Variants in OLFM3 observed in about 807,000 individuals in gnomAD.
OLFM3 encodes olfactomedin 3.
A neutral mutation model predicts 48.6 loss-of-function variants in OLFM3; 20 were observed. That is an observed-to-expected ratio of 0.41 (90% confidence interval 0.29 to 0.60). The LOEUF (loss-of-function observed/expected upper bound fraction) is 0.60, where lower values mean the gene tolerates loss of function less well. Ranked by LOEUF, OLFM3 falls within the 20% of genes least tolerant of loss-of-function variation. The pLI, the probability that OLFM3 is intolerant of heterozygous loss-of-function variation, is 0.28. For missense variants in OLFM3, 437 were observed against 544.3 expected, an observed-to-expected ratio of 0.80 and a Z score of 1.96; for synonymous variants, 222 against 198.1, an observed-to-expected ratio of 1.12 and a Z score of -1.01.
chr1:101,838,011 T>G (rs1655517255), intron 1 of OLFM3: 1 of 150,076 alleles, frequency 6.7e-6, no homozygotes, highest in South Asian at 2.1e-4. Context: ...ATCCAGCTAT[T>G]TTTTTTTATA....
chr1:101,905,282 C>T (rs557681507), intron 1 of OLFM3, among the ~76,000 whole-genome samples: 19 of 152,220 alleles, frequency 1.2e-4, no homozygotes, highest in Admixed American at 2.6e-4. Context: ...TGTGAAGACA[C>T]GGAAACATTC....
chr1:101,981,587 T>A lies in OLFM3; in HGVS notation c.69+15161A>T, dbSNP rs1322725498. Among the ~76,000 whole-genome samples, 3 of 152,330 alleles carry A rather than the reference T, an allele frequency of 2.0e-5. No homozygotes were observed. In the East Asian group the frequency reaches 5.8e-4, roughly 29 times the overall value. ...AAATGATATATGCAGTTCAGACATC[T>A]CCCCTGAACTTCAAATAACAGCTGC... On this transcript the variant is annotated intron_variant, in intron 1 of 5. Transcript: ENST00000370103.
At chr1:101,814,975 C>T (rs1654258664) in intron 4 of OLFM3, among the ~76,000 whole-genome samples, 2 of 152,152 alleles carry the variant, frequency 1.3e-5, no homozygotes, top group South Asian at 4.2e-4. Flanking sequence ...CAGAAGAAGA[C>T]GAGATTGGAG....
At chr1:101,956,838 C>T (rs1660311738) in intron 1 of OLFM3, among the ~76,000 whole-genome samples, 1 of 151,786 alleles carries the variant, frequency 6.6e-6, no homozygotes, top group African/African-American at 2.4e-5. Flanking sequence ...GTATCTTTTG[C>T]ATCTATTTGG....
At chr1:101,867,417 C>T (rs940692418) in intron 1 of OLFM3, among the ~76,000 whole-genome samples, 24 of 152,080 alleles carry the variant, frequency 1.6e-4, no homozygotes, top group Non-Finnish European at 2.6e-4. Context: ...ATGGAGAACT[C>T]CTGAAGGATT....
At chr1:101,996,541 CCCCCGCG>C (rs1303372234) in intron 1 of OLFM3, among the ~76,000 whole-genome samples, 200 bp downstream of exon 1, 4 of 152,216 alleles carry the variant, frequency 2.6e-5, no homozygotes, top group African/African-American at 9.6e-5. Flanking sequence ...CTAGTCCCTC[CCCCCGCG>C]CAGTAGGACT....
chr1:101,946,237 T>C (rs947491529), intron 1 of OLFM3, among the ~76,000 whole-genome samples: 4 of 152,226 alleles, frequency 2.6e-5, no homozygotes, highest in Admixed American at 2.0e-4. Flanking sequence ...TGTCAAATGA[T>C]AAATAATGAA....
intron 4 of OLFM3, among the ~76,000 whole-genome samples, chr1:101,814,180 A>C (rs1473967160): frequency 6.6e-6 from 1 of 152,072 alleles, no homozygotes; most frequent in Non-Finnish European, 1.5e-5. Flanking sequence ...TTACCGTAGA[A>C]AGCAAACTTT....
At chr1:101,904,253 T>C (rs997887172) in intron 1 of OLFM3, among the ~76,000 whole-genome samples, 4 of 152,174 alleles carry the variant, frequency 2.6e-5, no homozygotes, top group Admixed American at 6.5e-5. Context: ...TCTTGAATGA[T>C]TGAAGATGGG....
chr1:101,858,225 C>G (rs543708271), intron 1 of OLFM3, among the ~76,000 whole-genome samples: 40 of 151,884 alleles, frequency 2.6e-4, no homozygotes, highest in Middle Eastern at 3.2e-3. Context: ...ATTAAAGTAT[C>G]CATATAAGTG....
intron 1 of OLFM3, among the ~76,000 whole-genome samples, chr1:101,878,822 G>A (rs535054627): frequency 5.9e-5 from 9 of 151,996 alleles, no homozygotes; most frequent in South Asian, 4.1e-4. Context: ...ACAAATTTGC[G>A]CAGTTCAGAT....
At chr1:101,982,408 T>C (rs1287176229) in intron 1 of OLFM3, among the ~76,000 whole-genome samples, 2 of 152,242 alleles carry the variant, frequency 1.3e-5, no homozygotes, top group East Asian at 3.9e-4. Context: ...CAGACAGAGA[T>C]AGGAATATAA....
Position 101,947,343 on chromosome 1 carries a change from A to T in OLFM3, c.69+49405T>A, listed in dbSNP as rs146607440. Among the ~76,000 whole-genome samples the T allele has an allele frequency of 9.5e-3, 1,450 of 152,328 alleles. 27 individuals are homozygous for T. The highest frequency in any genetic ancestry group is 0.033 in the African/African-American group (1,390 of 41,560). On this transcript the variant is annotated intron_variant, in intron 1 of 5. Transcript: ENST00000370103. ...TTGCAGTTGGTGTTAACTCTTCATT[A>T]TAAACACAGTATTCATGTAATTATA...
chr1:101,898,004 A>G (rs1658260994), intron 1 of OLFM3, among the ~76,000 whole-genome samples: 1 of 152,160 alleles, frequency 6.6e-6, no homozygotes, highest in Non-Finnish European at 1.5e-5. Flanking sequence ...ATGTGTCTGA[A>G]GGCAATTTTT....
intron 4 of OLFM3, among the ~76,000 whole-genome samples, chr1:101,809,439 A>G (rs186114607): frequency 2.4e-4 from 36 of 152,028 alleles, no homozygotes; most frequent in Admixed American, 2.2e-3. Context: ...ATATTTAGGA[A>G]GAAAATCAGA....
At chr1:101,836,002 T>A (rs912205821) in intron 2 of OLFM3, among the ~76,000 whole-genome samples, 6 of 152,194 alleles carry the variant, frequency 3.9e-5, no homozygotes, top group African/African-American at 1.4e-4. Flanking sequence ...TCATTTTTTG[T>A]TAAAAAGTTT....
At chr1:101,826,792 T>C (rs1654886269) in intron 3 of OLFM3, among the ~76,000 whole-genome samples, 2 of 152,204 alleles carry the variant, frequency 1.3e-5, no homozygotes, top group Non-Finnish European at 2.9e-5. Flanking sequence ...GAATACACAA[T>C]TGTTTCATTA....
intron 2 of OLFM3, among the ~76,000 whole-genome samples, chr1:101,834,103 T>TA (rs748458156): frequency 1.3e-5 from 2 of 152,216 alleles, no homozygotes; most frequent in Non-Finnish European, 1.5e-5. Context: ...TAATATTCAA[T>TA]AATATAAATA....
chr1:101,941,470 T>C (rs1261533223), intron 1 of OLFM3, among the ~76,000 whole-genome samples: 1 of 152,066 alleles, frequency 6.6e-6, no homozygotes, highest in Non-Finnish European at 1.5e-5. Context: ...TTATATTCTT[T>C]GCGGAAAATA....
Sources: gnomAD v4.1 joint callset for allele counts (sites outside exome capture counted in the v4.1 genomes callset) on GRCh38, gnomAD v4.1.1 for gene constraint, MANE v1.5 for transcripts, NCBI Gene and HGNC (gene_info 2026-07-23, HGNC 2026-07-21) for gene names.